STK32B: variants seen among roughly 807,000 people sequenced by gnomAD.
STK32B encodes the protein serine/threonine kinase 32B.
STK32B carries 43 observed loss-of-function variants against 52.6 expected under a neutral mutation model. The ratio of observed to expected loss-of-function variants is 0.82; its 90% CI spans 0.64 to 1.05. The LOEUF is 1.05. STK32B is among the 50% of genes least tolerant of loss of function. The pLI is 0.00. For synonymous variants in STK32B, 238 were observed against 204.3 expected (o/e 1.17, Z -1.41); for missense variants, 621 against 534.6 (o/e 1.16, Z -1.59).
chr4:5,431,510 CT>C (rs11403448), intron 6 of STK32B, among the ~76,000 whole-genome samples: 34 of 148,920 alleles, frequency 2.3e-4, no homozygotes, highest in Non-Finnish European at 2.8e-4. Context: ...TCCAAAAGTC[CT>C]TTTTTTTTTT....
At chr4:5,295,579 C>T (rs1305927783) in intron 3 of STK32B, among the ~76,000 whole-genome samples, 5 of 152,242 alleles carry the variant, frequency 3.3e-5, no homozygotes, top group Admixed American at 1.3e-4. Context: ...TTATAGTATT[C>T]TCTGATGGTA....
the STK32B span, among the ~76,000 whole-genome samples, chr4:5,045,853 C>G: frequency 6.6e-6 from 1 of 152,136 alleles, no homozygotes; most frequent in Non-Finnish European, 1.5e-5. Flanking sequence ...CATCTGCAAG[C>G]AGAGACAATT....
At chr4:5,254,716 G>T (rs1417424046) in intron 3 of STK32B, among the ~76,000 whole-genome samples, 4 of 152,054 alleles carry the variant, frequency 2.6e-5, no homozygotes, top group African/African-American at 9.7e-5. Flanking sequence ...ACTGTAACTA[G>T]AACATAAACT....
intron 11 of STK32B, among the ~76,000 whole-genome samples, chr4:5,494,758 T>A (rs1480110776): frequency 6.6e-6 from 1 of 152,238 alleles, no homozygotes; most frequent in Non-Finnish European, 1.5e-5. Context: ...GGAGCTCTTT[T>A]AGGGCAGGCC....
intron 1 of STK32B, among the ~76,000 whole-genome samples, chr4:5,053,994 A>AATAAAT (rs1553814637): frequency 2.0e-5 from 3 of 148,008 alleles, no homozygotes; most frequent in Admixed American, 6.8e-5. Context: ...TAAATAAATA[A>AATAAAT]ATAAATAAAT....
chr4:5,281,217 G>T (rs1728174382), intron 3 of STK32B, among the ~76,000 whole-genome samples: 2 of 152,046 alleles, frequency 1.3e-5, no homozygotes, highest in South Asian at 4.1e-4. Context: ...ATCCCACCAG[G>T]TCCCTCCCCC....
intron 3 of STK32B, among the ~76,000 whole-genome samples, chr4:5,178,656 C>T (rs1720114276): frequency 6.6e-6 from 1 of 152,210 alleles, no homozygotes; most frequent in African/African-American, 2.4e-5. Flanking sequence ...GCCAGATACC[C>T]TGAATCATCT....
intron 3 of STK32B, among the ~76,000 whole-genome samples, chr4:5,246,252 C>G (rs555647271): frequency 5.1e-4 from 77 of 152,316 alleles, no homozygotes; most frequent in African/African-American, 1.8e-3. Flanking sequence ...TCCCATATTT[C>G]TTGGAAGCTT....
intron 3 of STK32B, 118 bp from the exon 4 acceptor site, chr4:5,331,102 G>A: frequency 1.1e-6 from 1 of 950,412 alleles, no homozygotes; most frequent in South Asian, 1.8e-5. Context: ...CCATGACTCA[G>A]GCAACTCAGT....
rs1491437984 is a variant in STK32B at position 5,159,621 on chromosome 4, A to ATG, written c.109-8677_109-8676insGT. 4.1e-4 allele frequency among the ~76,000 whole-genome samples: 43 copies of ATG among 105,586 alleles called. 7 individuals are homozygous for ATG. The Middle Eastern group carries it at 0.013, about 32-fold the overall frequency. The allele number at this position is 105,586 out of a possible 152,430, so 69.3% of individuals were successfully genotyped here. A position where few individuals can be genotyped will look rare whatever the true frequency, so the allele number is the denominator to read the frequency against. On this transcript the variant is annotated intron_variant, in intron 2 of 11. Coordinates refer to ENST00000282908, the MANE Select transcript of STK32B (RefSeq NM_018401.3). ...TGAATATATATATGAATATATATGA[A>ATG]TATATATGAATATATATATGAATGT...
intron 3 of STK32B, among the ~76,000 whole-genome samples, chr4:5,301,537 C>G (rs188033253): frequency 1.3e-5 from 2 of 151,766 alleles, no homozygotes; most frequent in African/African-American, 4.8e-5. Context: ...TCCGTTTCAT[C>G]TAGAATGTCT....
At chr4:5,135,530 A>G (rs968152005) in intron 1 of STK32B, among the ~76,000 whole-genome samples, 4 of 152,226 alleles carry the variant, frequency 2.6e-5, no homozygotes, top group South Asian at 2.1e-4. Context: ...TCTAGCTTCT[A>G]GTAATAGACA....
At chr4:5,451,800 A>T (rs1395271565) in intron 7 of STK32B, among the ~76,000 whole-genome samples, 1 of 152,138 alleles carries the variant, frequency 6.6e-6, no homozygotes, top group Non-Finnish European at 1.5e-5. Flanking sequence ...CCCCTGGGGG[A>T]CAGTTGTCCC....
At chr4:5,432,724 G>A (rs1172407699) in intron 6 of STK32B, among the ~76,000 whole-genome samples, 1 of 152,092 alleles carries the variant, frequency 6.6e-6, no homozygotes, top group Non-Finnish European at 1.5e-5. Context: ...ATGCTAAAAA[G>A]CTTGAACTTC....
At chr4:5,079,109 T>C (rs1473126961) in intron 1 of STK32B, among the ~76,000 whole-genome samples, 1 of 152,202 alleles carries the variant, frequency 6.6e-6, no homozygotes, top group Non-Finnish European at 1.5e-5. Flanking sequence ...CTAGTCATAC[T>C]GCATTACATT....
chr4:5,054,033 T>G (rs1051967262), intron 1 of STK32B, among the ~76,000 whole-genome samples: 8 of 123,124 alleles, frequency 6.5e-5, no homozygotes, highest in Admixed American at 2.4e-4. Flanking sequence ...AGGGCTCTCC[T>G]CATTTTGCCA....
intron 1 of STK32B, among the ~76,000 whole-genome samples, chr4:5,125,555 G>T (rs1431345726): frequency 2.0e-5 from 3 of 152,206 alleles, no homozygotes; most frequent in Non-Finnish European, 4.4e-5. Context: ...CCTGAGGCCA[G>T]CGATGCAGGG....
chr4:5,267,062 T>C (rs1727099698), intron 3 of STK32B, among the ~76,000 whole-genome samples: 1 of 152,180 alleles, frequency 6.6e-6, no homozygotes, highest in South Asian at 2.1e-4. Flanking sequence ...GGTGAATTCC[T>C]GAATCATAAA....
intron 9 of STK32B, among the ~76,000 whole-genome samples, chr4:5,465,628 C>T (rs919446908): frequency 2.0e-5 from 3 of 152,168 alleles, no homozygotes; most frequent in African/African-American, 7.2e-5. Flanking sequence ...AAACTCTTAT[C>T]ATCTGATCCC....
Sources: allele counts gnomAD v4.1 joint callset (sites outside exome capture counted in the v4.1 genomes callset), GRCh38; gene constraint gnomAD v4.1.1; transcripts MANE v1.5; gene names NCBI Gene and HGNC (gene_info 2026-07-23, HGNC 2026-07-21).